ENTHD1: variants seen among roughly 807,000 people sequenced by gnomAD.
The protein encoded by ENTHD1 is ENTH domain containing 1.
A neutral mutation model predicts 39.1 loss-of-function variants in ENTHD1; 23 were observed. The observed-to-expected ratio is 0.59, with a 90% CI of 0.42 to 0.83. The LOEUF is 0.83. Among genes scored for constraint, ENTHD1 ranks in the 40% least tolerant of loss-of-function variants. ENTHD1 has a pLI of 0.00. For synonymous variants in ENTHD1, 230 were observed against 258.2 expected (o/e 0.89, Z 1.05); for missense variants, 624 against 705.4 (o/e 0.88, Z 1.31).
intron 3 of ENTHD1, among the ~76,000 whole-genome samples, chr22:39,860,581 C>G (rs1045528596): frequency 6.6e-6 from 1 of 152,296 alleles, no homozygotes; most frequent in East Asian, 1.9e-4. Flanking sequence ...ACTGGGTGAA[C>G]GTTTGAAACT....
chr22:39,794,629 C>G (rs183545661), intron 5 of ENTHD1, among the ~76,000 whole-genome samples: 1 of 151,850 alleles, frequency 6.6e-6, no homozygotes, highest in African/African-American at 2.4e-5. Flanking sequence ...GGTGAAACCC[C>G]GTCTCTACTA....
chr22:39,824,255 G>C (rs995201203), intron 4 of ENTHD1, among the ~76,000 whole-genome samples: 1 of 135,432 alleles, frequency 7.4e-6, no homozygotes, highest in Admixed American at 8.5e-5. Context: ...TGTCACCCAG[G>C]CTGGAGTGCA....
intron 2 of ENTHD1, among the ~76,000 whole-genome samples, chr22:39,872,566 T>A (rs2066252524): frequency 6.6e-6 from 1 of 152,218 alleles, no homozygotes; most frequent in Non-Finnish European, 1.5e-5. Context: ...AGTATTTGCC[T>A]TTCATATTTT....
At chr22:39,771,289 G>C (rs940576585) in intron 5 of ENTHD1, among the ~76,000 whole-genome samples, 1 of 152,146 alleles carries the variant, frequency 6.6e-6, no homozygotes, top group African/African-American at 2.4e-5. Flanking sequence ...ACTGGAGAGG[G>C]AGAAGAGTTA....
chr22:39,828,985 T>G (rs1445413996), intron 4 of ENTHD1, among the ~76,000 whole-genome samples: 2 of 152,222 alleles, frequency 1.3e-5, no homozygotes, highest in Non-Finnish European at 2.9e-5. Context: ...GGTTTCTACT[T>G]ACATTTTTAA....
At chr22:39,830,643 G>A (rs768550050) in intron 4 of ENTHD1, among the ~76,000 whole-genome samples, 28 of 152,072 alleles carry the variant, frequency 1.8e-4, no homozygotes, top group Non-Finnish European at 8.8e-5. Flanking sequence ...AGAAGCTAAC[G>A]TTCATTTACT....
At chr22:39,796,859 G>A (rs1052124275) in intron 5 of ENTHD1, among the ~76,000 whole-genome samples, 1 of 152,206 alleles carries the variant, frequency 6.6e-6, no homozygotes, top group Non-Finnish European at 1.5e-5. Context: ...TGGATAAAAT[G>A]TTCTATAGAT....
Position 39,780,400 on chromosome 22 carries a change from T to C in ENTHD1, c.833-14791A>G, listed in dbSNP as rs183384789. Among the ~76,000 whole-genome samples the C allele has an allele frequency of 5.1e-4, 77 of 149,534 alleles. No homozygotes were observed. The East Asian group carries it at 6.8e-3, about 13-fold the overall frequency. On this transcript the variant is annotated intron_variant, in intron 5 of 6. Transcript: ENST00000325157. The stretch of plus-strand genomic sequence containing the variant: ...CAAAAAAAAAAAAAATACTGTGGAC[T>C]CAATTCTCCAATTAAAAGGCATAGA...
chr22:39,754,855 A>G (rs1467312744), intron 6 of ENTHD1, among the ~76,000 whole-genome samples: 2 of 152,222 alleles, frequency 1.3e-5, no homozygotes, highest in Non-Finnish European at 2.9e-5. Context: ...AAACAAGGTC[A>G]TTAGCCTAGC....
intron 4 of ENTHD1, among the ~76,000 whole-genome samples, chr22:39,825,893 A>G (rs973408291): frequency 6.6e-6 from 1 of 151,482 alleles, no homozygotes; most frequent in East Asian, 1.9e-4. Context: ...TGTTTTTGAG[A>G]CAGAGTCTCA....
intron 4 of ENTHD1, among the ~76,000 whole-genome samples, chr22:39,824,201 C>CTTTTTTTTT: frequency 2.8e-5 from 2 of 71,442 alleles, no homozygotes; most frequent in East Asian, 4.7e-4. Context: ...TTGTCCAGTT[C>CTTTTTTTTT]TTTTTTTTTT....
intron 5 of ENTHD1, among the ~76,000 whole-genome samples, chr22:39,805,679 C>A (rs1023708542): frequency 6.6e-6 from 1 of 152,106 alleles, no homozygotes; most frequent in East Asian, 1.9e-4. Context: ...ACTTTGAGGT[C>A]GTTCTCAAGA....
At chr22:39,855,471 C>T (rs549091709) in intron 3 of ENTHD1, among the ~76,000 whole-genome samples, 5 of 152,162 alleles carry the variant, frequency 3.3e-5, no homozygotes, top group African/African-American at 1.2e-4. Context: ...TTTATTCTCT[C>T]CATCTTCCTT....
intron 1 of ENTHD1, among the ~76,000 whole-genome samples, chr22:39,890,064 C>CTA (rs2066413982): frequency 6.6e-6 from 1 of 150,506 alleles, no homozygotes; most frequent in Non-Finnish European, 1.5e-5. Flanking sequence ...GGCCACTGCG[C>CTA]TATAGCCTGG....
At chr22:39,817,952 T>C (rs938407037) in intron 5 of ENTHD1, among the ~76,000 whole-genome samples, 1 of 152,186 alleles carries the variant, frequency 6.6e-6, no homozygotes, top group Non-Finnish European at 1.5e-5. Context: ...ATGCCTTTCT[T>C]TCAATATGAC....
At chr22:39,794,553 C>A (rs955358336) in intron 5 of ENTHD1, among the ~76,000 whole-genome samples, 13 of 151,822 alleles carry the variant, frequency 8.6e-5, no homozygotes, top group Admixed American at 8.5e-4. Flanking sequence ...CTGTAATCCC[C>A]GCACTTTGGG....
chr22:39,763,083 G>C (rs978043231), intron 6 of ENTHD1, among the ~76,000 whole-genome samples: 3 of 152,176 alleles, frequency 2.0e-5, no homozygotes, highest in African/African-American at 7.2e-5. Context: ...TTTATTAATA[G>C]TATTTGTGAG....
At chr22:39,851,320 T>C (rs934388795) in intron 3 of ENTHD1, among the ~76,000 whole-genome samples, 1 of 152,244 alleles carries the variant, frequency 6.6e-6, no homozygotes, top group African/African-American at 2.4e-5. Context: ...TTTAGTTCAG[T>C]AGTATTTCTC....
At chr22:39,802,857 T>C (rs1046038904) in intron 5 of ENTHD1, among the ~76,000 whole-genome samples, 4 of 152,330 alleles carry the variant, frequency 2.6e-5, no homozygotes, top group African/African-American at 9.6e-5. Context: ...TCCATCACTC[T>C]GACAATCAGT....
Sources: gnomAD v4.1 joint callset for allele counts (sites outside exome capture counted in the v4.1 genomes callset) on GRCh38, gnomAD v4.1.1 for gene constraint, MANE v1.5 for transcripts, NCBI Gene and HGNC (gene_info 2026-07-23, HGNC 2026-07-21) for gene names.